Variants in AKT3 observed in about 807,000 individuals in gnomAD.
AKT3 encodes AKT serine/threonine kinase 3, also known as RAC-gamma serine/threonine-protein kinase.
AKT3 carries 15 observed loss-of-function variants against 65.3 expected under a neutral mutation model. The ratio of observed to expected loss-of-function variants is 0.23; its 90% CI spans 0.15 to 0.35. The LOEUF (loss-of-function observed/expected upper bound fraction) is 0.35. Among genes scored for constraint, AKT3 ranks in the 10% least tolerant of loss-of-function variants. The pLI, the probability that AKT3 is intolerant of heterozygous loss-of-function variation, is 1.00. For synonymous variants in AKT3, 206 were observed against 183.8 expected (o/e 1.12, Z -0.98); for missense variants, 243 against 576.5 (o/e 0.42, Z 5.92).
intron 12 of AKT3, among the ~76,000 whole-genome samples, chr1:243,515,840 A>G (rs1320235117): frequency 6.6e-6 from 1 of 151,970 alleles, no homozygotes; most frequent in East Asian, 1.9e-4. Flanking sequence ...AATACCAAAA[A>G]TTAGCCGGCT....
At chr1:243,529,401 A>T (rs188510679) in intron 12 of AKT3, among the ~76,000 whole-genome samples, 1 of 152,140 alleles carries the variant, frequency 6.6e-6, no homozygotes, top group East Asian at 1.9e-4. Context: ...AGGTTATCTT[A>T]TATGGCATTT....
intron 2 of AKT3, among the ~76,000 whole-genome samples, chr1:243,777,692 T>C (rs1690642670): frequency 6.6e-6 from 1 of 152,186 alleles, no homozygotes; most frequent in Non-Finnish European, 1.5e-5. Flanking sequence ...TGATCCCATA[T>C]TCAACACTGT....
intron 12 of AKT3, among the ~76,000 whole-genome samples, chr1:243,527,936 C>CACACACAG (rs1671266313): frequency 2.6e-4 from 10 of 38,274 alleles, no homozygotes; most frequent in African/African-American, 7.7e-4. Context: ...CACACACACA[C>CACACACAG]AGAGAGAGAG....
At chr1:243,646,260 T>C (rs997197952) in intron 4 of AKT3, among the ~76,000 whole-genome samples, 6 of 152,004 alleles carry the variant, frequency 3.9e-5, no homozygotes, top group Non-Finnish European at 7.4e-5. Flanking sequence ...TTTGGAAGTA[T>C]GTTAAAGAAA....
intron 4 of AKT3, among the ~76,000 whole-genome samples, chr1:243,662,373 G>A (rs1191472569): frequency 1.3e-5 from 2 of 152,084 alleles, no homozygotes; most frequent in Non-Finnish European, 2.9e-5. Flanking sequence ...ATACTATGCA[G>A]CCATAAAAAA....
At chr1:243,723,812 T>C (rs999867576) in intron 2 of AKT3, among the ~76,000 whole-genome samples, 1 of 152,038 alleles carries the variant, frequency 6.6e-6, no homozygotes, top group Non-Finnish European at 1.5e-5. Flanking sequence ...TTCCAGCTAC[T>C]TGGGAGTCTG....
At chr1:243,519,224 T>C (rs1670557066) in intron 12 of AKT3, among the ~76,000 whole-genome samples, 1 of 152,166 alleles carries the variant, frequency 6.6e-6, no homozygotes, top group Non-Finnish European at 1.5e-5. Context: ...CTGGTTCAGC[T>C]TACAGAATTC....
chr1:243,797,926 A>C (rs1169052551), intron 2 of AKT3, among the ~76,000 whole-genome samples: 3 of 147,274 alleles, frequency 2.0e-5, no homozygotes, highest in African/African-American at 7.5e-5. Context: ...TCTGTCACCC[A>C]GGCTGGAGTG....
chr1:243,817,721 A>AGC (rs1443639990), intron 2 of AKT3, among the ~76,000 whole-genome samples: 1 of 152,244 alleles, frequency 6.6e-6, no homozygotes, highest in Non-Finnish European at 1.5e-5. Context: ...GATGGGTGAT[A>AGC]GAGTGAGACT....
intron 2 of AKT3, among the ~76,000 whole-genome samples, chr1:243,761,969 G>A (rs1689523053): frequency 6.6e-6 from 1 of 152,044 alleles, no homozygotes. Context: ...AAGAAATTGG[G>A]ATGCTAGGAC....
intron 2 of AKT3, among the ~76,000 whole-genome samples, chr1:243,744,839 T>C (rs1417576835): frequency 1.3e-5 from 2 of 152,082 alleles, no homozygotes; most frequent in Non-Finnish European, 2.9e-5. Flanking sequence ...TATTCTTTAC[T>C]ATGTTCAGTG....
intron 5 of AKT3, among the ~76,000 whole-genome samples, chr1:243,642,298 A>G (rs968992531): frequency 6.6e-6 from 1 of 152,172 alleles, no homozygotes; most frequent in Admixed American, 6.5e-5. Context: ...AGATACAGTA[A>G]GTCCTTTTTT....
At chr1:243,492,604 G>GT (rs74162289) in intron 13 of AKT3, among the ~76,000 whole-genome samples, 11,198 of 58,892 alleles carry the variant, frequency 0.19, 1,366 homozygotes, top group East Asian at 0.36. Context: ...GCGCCCAGCT[G>GT]TTTTTTTTTT....
At chr1:243,682,176 T>C (rs558103087) in intron 3 of AKT3, among the ~76,000 whole-genome samples, 2 of 152,146 alleles carry the variant, frequency 1.3e-5, no homozygotes, top group South Asian at 4.1e-4. Flanking sequence ...ATACGTTTAA[T>C]AAGGTCATAA....
At chr1:243,741,164 C>G (rs541594384) in intron 2 of AKT3, among the ~76,000 whole-genome samples, 3 of 152,218 alleles carry the variant, frequency 2.0e-5, no homozygotes, top group African/African-American at 7.2e-5. Flanking sequence ...TCTTCAAAGA[C>G]TTTTAGTATT....
At chr1:243,676,588 GTTTTGT>G (rs1683532661) in intron 3 of AKT3, among the ~76,000 whole-genome samples, 1 of 152,074 alleles carries the variant, frequency 6.6e-6, no homozygotes, top group Admixed American at 6.6e-5. Context: ...ATCCAAAAGG[GTTTTGT>G]TTTTGTTTGT....
At chr1:243,694,097 A>G (rs1262695432) in intron 3 of AKT3, among the ~76,000 whole-genome samples, 3 of 152,128 alleles carry the variant, frequency 2.0e-5, no homozygotes, top group Admixed American at 6.6e-5. Context: ...GTGAAATTTC[A>G]TAAGGTCAAA....
intron 2 of AKT3, among the ~76,000 whole-genome samples, chr1:243,772,619 G>C (rs1188023990): frequency 2.0e-5 from 3 of 152,212 alleles, no homozygotes; most frequent in Non-Finnish European, 4.4e-5. Context: ...CATTGTGGAA[G>C]ACAGTGTGGC....
chr1:243,489,191 G>A (rs1258674028), intron 13 of AKT3: 1 of 1,600,600 alleles, frequency 6.2e-7, no homozygotes, highest in Non-Finnish European at 8.5e-7. Context: ...GGCGTCTACA[G>A]GTGGATCTTT....
Sources: gnomAD v4.1 joint callset for allele counts (sites outside exome capture counted in the v4.1 genomes callset) on GRCh38, gnomAD v4.1.1 for gene constraint, MANE v1.5 for transcripts, NCBI Gene and HGNC (gene_info 2026-07-23, HGNC 2026-07-21) for gene names.